Variants in PCDHGA5 observed in about 807,000 individuals in gnomAD.
PCDHGA5 encodes protocadherin gamma subfamily A, 5.
A neutral mutation model predicts 56.7 loss-of-function variants in PCDHGA5; 36 were observed. The ratio of observed to expected loss-of-function variants is 0.64; its 90% CI spans 0.49 to 0.84. The LOEUF is 0.84. Among genes scored for constraint, PCDHGA5 ranks in the 40% least tolerant of loss-of-function variants. The pLI is 0.00. For synonymous variants in PCDHGA5, 563 were observed against 520.2 expected (o/e 1.08, Z -1.12); for missense variants, 1,305 against 1,201.5 (o/e 1.09, Z -1.27).
chr5:141,427,991 C>T (rs748924488), intron 1 of PCDHGA5: 1 of 1,599,024 alleles, frequency 6.3e-7, no homozygotes, highest in Non-Finnish European at 8.6e-7. Context: ...GGCCCGATGG[C>T]TCCGCACTCT....
chr5:141,415,704 T>C (rs1262137262), intron 1 of PCDHGA5: 1 of 1,344,464 alleles, frequency 7.4e-7, no homozygotes, highest in South Asian at 1.3e-5. Context: ...GTGTAAATGC[T>C]AAAACACTGA....
Position 141,490,958 on chromosome 5 carries a change from A to T in PCDHGA5, c.2422-3849A>T, listed in dbSNP as rs771797392. 4.6e-5 allele frequency: 74 copies of T among 1,613,610 alleles called. No individual in the cohort carries two copies. The highest frequency in any genetic ancestry group is 1.6e-4 in the Middle Eastern group (1 of 6,084). ...CTGCACCCACGGCCAGACTGGGAAC[A>T]CTCAGCCCCCCAGCGTCTCCCTCGC... On this transcript the variant is annotated intron_variant, in intron 1 of 3. Coordinates refer to ENST00000518069, the MANE Select transcript of PCDHGA5 (RefSeq NM_018918.3). This position sits in a 1 kb window ranked among gnomAD's most constrained non-coding sequence, Gnocchi z 5.4.
intron 1 of PCDHGA5, chr5:141,384,456 C>A (rs145938509): frequency 6.2e-7 from 1 of 1,614,054 alleles, no homozygotes; most frequent in East Asian, 2.2e-5. Flanking sequence ...CGCTGCAATC[C>A]TTTGATTATG....
intron 1 of PCDHGA5, chr5:141,408,283 C>G (rs62378453): frequency 0.09 from 144,952 of 1,612,732 alleles, 7,152 homozygotes; most frequent in African/African-American, 0.18. Flanking sequence ...TGTTCTACCC[C>G]ACCCTGAGTG....
chr5:141,369,622 A>C (rs904281390), intron 1 of PCDHGA5, among the ~76,000 whole-genome samples: 3 of 152,224 alleles, frequency 2.0e-5, no homozygotes, highest in African/African-American at 7.2e-5. Flanking sequence ...TCATTTCCTC[A>C]TTACCTTTAA....
Position 141,489,268 on chromosome 5 carries a change from G to T in PCDHGA5, c.2422-5539G>T. On this transcript the variant is annotated intron_variant, in intron 1 of 3. Transcript: ENST00000518069. This position sits in a 1 kb window ranked among gnomAD's most constrained non-coding sequence, Gnocchi z 4.5. The stretch of plus-strand genomic sequence containing the variant: ...GGGGCCCAAGACACTCCCACAGCTC[G>T]CTGGGAAATGGCAAGTGCTGTGCAT... The T allele has an allele frequency of 3.9e-6, 6 of 1,553,284 alleles. No homozygotes were observed. The South Asian group carries it at 5.0e-5, about 13-fold the overall frequency.
chr5:141,408,287 C>G (rs2095075582), intron 1 of PCDHGA5: 1 of 1,613,354 alleles, frequency 6.2e-7, no homozygotes, highest in African/African-American at 1.3e-5. Flanking sequence ...CTACCCCACC[C>G]TGAGTGAGCC....
chr5:141,492,833 C>T (rs951935267), intron 1 of PCDHGA5, among the ~76,000 whole-genome samples: 2 of 152,222 alleles, frequency 1.3e-5, no homozygotes, highest in African/African-American at 4.8e-5. Flanking sequence ...CCCTTCCTCC[C>T]GCAGGAAGTG....
chr5:141,366,632 C>G lies in PCDHGA5; in HGVS notation c.2302C>G (p.Leu768Val), dbSNP rs1232919866. ...CACCGCGGACTCGAGGAAGAGTCAC[C>G]TGATCTTTCCCCAGCCCAACTACGC... is the stretch of plus-strand genomic sequence containing the variant. Reference protein sequence around the residue: ...SLTADSRKSHLIFPQPNYADT... With the variant: ...SLTADSRKSHVIFPQPNYADT... The change falls in exon 1 of 4, where the codon CTG becomes GTG. Residue 768 changes from leucine (L) to valine (V), a missense_variant. Coordinates refer to ENST00000518069, the MANE Select transcript of PCDHGA5 (RefSeq NM_018918.3). The G allele has an allele frequency of 6.2e-7, 1 of 1,614,252 alleles. No homozygotes were observed.
Position 141,485,331 on chromosome 5 carries a change from T to C in PCDHGA5, c.2422-9476T>C, listed in dbSNP as rs1203054851. On this transcript the variant is annotated intron_variant, in intron 1 of 3. Transcript: ENST00000518069. This position sits in a 1 kb window ranked among gnomAD's most constrained non-coding sequence, Gnocchi z 5.7. Reference sequence around the variant, plus strand: ...GTAGGGAATGTCGCTCAAGATTTCCTGCTGGATACGGACAGTCTGTCAGCT... The same window carrying C: ...GTAGGGAATGTCGCTCAAGATTTCCCGCTGGATACGGACAGTCTGTCAGCT... 6.2e-7 allele frequency: 1 copy of C among 1,614,048 alleles called. No individual in the cohort carries two copies. Among genetic ancestry groups the C allele is most frequent in the African/African-American group, 1.3e-5 (1 of 74,902 alleles).
rs1486545769 is a variant in PCDHGA5 at position 141,431,780 on chromosome 5, A to T, written c.2422-63027A>T. On this transcript the variant is annotated intron_variant, in intron 1 of 3. Coordinates refer to ENST00000518069, the MANE Select transcript of PCDHGA5 (RefSeq NM_018918.3). This position sits in a 1 kb window ranked among gnomAD's most constrained non-coding sequence, Gnocchi z 4.8. The stretch of plus-strand genomic sequence containing the variant: ...AGTCCTGATCACTGTTCTGGACGTG[A>T]ACGACAATGCCCCAGAAGTGGTCCT... 4 of 1,614,086 alleles carry T rather than the reference A, an allele frequency of 2.5e-6. No homozygotes were observed. The highest frequency in any genetic ancestry group is 3.4e-6 in the Non-Finnish European group (4 of 1,180,028).
rs547854431 is a variant in PCDHGA5, at chr5:141,476,383, C to A, written c.2422-18424C>A. 1.2e-6 allele frequency: 2 copies of A among 1,614,102 alleles called. No homozygotes were observed. Among genetic ancestry groups the A allele is most frequent in the African/African-American group, 1.3e-5 (1 of 75,014 alleles). On this transcript the variant is annotated intron_variant, in intron 1 of 3. Transcript: ENST00000518069. The surrounding 1 kb of genome is among the most constrained non-coding windows in gnomAD (Gnocchi z 7.6). ...GGGAGACCGGAGAGATGTTTGTGAA[C>A]GACCGTCTGGATCGAGAGGAGCTGT...
At chr5:141,407,963 G>T (rs2095010709) in intron 1 of PCDHGA5, 1 of 681,746 alleles carries the variant, frequency 1.5e-6, no homozygotes, top group Admixed American at 3.5e-5. Context: ...TGCAGAGCAA[G>T]CGCTGACGCC....
At chr5:141,430,379 T>C (rs1174248880) in intron 1 of PCDHGA5, among the ~76,000 whole-genome samples, 1 of 149,570 alleles carries the variant, frequency 6.7e-6, no homozygotes, top group Non-Finnish European at 1.5e-5. Flanking sequence ...AAAAAGCTCA[T>C]TGGGAAAAAA....
chr5:141,491,567 C>T lies in PCDHGA5; in HGVS notation c.2422-3240C>T, dbSNP rs2099721325. On this transcript the variant is annotated intron_variant, in intron 1 of 3. Transcript: ENST00000518069. The surrounding 1 kb of genome is among the most constrained non-coding windows in gnomAD (Gnocchi z 6.9). ...GACTCGCAGAGCCACTGCTACAGGACGTGCTTTTCACCGGCCTCGGACGGC... is the reference window on the plus strand; with the variant it reads ...GACTCGCAGAGCCACTGCTACAGGATGTGCTTTTCACCGGCCTCGGACGGC... 1.9e-6 allele frequency: 3 copies of T among 1,614,004 alleles called. No individual in the cohort carries two copies. The highest frequency in any genetic ancestry group is 2.5e-6 in the Non-Finnish European group (3 of 1,180,034).
intron 1 of PCDHGA5, chr5:141,394,748 C>A: frequency 6.2e-7 from 1 of 1,613,414 alleles, no homozygotes. Flanking sequence ...TCGTGGTGGC[C>A]GTCCAGGACC....
In PCDHGA5 at chr5:141,420,606, G is replaced by A. The variant is rs141099124; in HGVS notation, c.2421+53855G>A. On this transcript the variant is annotated intron_variant, in intron 1 of 3. Coordinates refer to ENST00000518069, the MANE Select transcript of PCDHGA5 (RefSeq NM_018918.3). Reference sequence around the variant, plus strand: ...CCTGATGCTACTCAATTTTTCTCAAGTATTTCATCTTCATTTACTCAATAA... The same window carrying A: ...CCTGATGCTACTCAATTTTTCTCAAATATTTCATCTTCATTTACTCAATAA... Among the ~76,000 whole-genome samples the A allele has an allele frequency of 2.7e-3, 411 of 152,256 alleles. 1 individual carries two copies. Among genetic ancestry groups the A allele is most frequent in the African/African-American group, 9.4e-3 (392 of 41,546 alleles).
At chr5:141,375,331 C>A (rs755265511) in intron 1 of PCDHGA5, 1 of 1,613,806 alleles carries the variant, frequency 6.2e-7, no homozygotes, top group East Asian at 2.2e-5. Flanking sequence ...AAGAGGTATT[C>A]TTGTACAACA....
chr5:141,410,653 A>G (rs1272999564), intron 1 of PCDHGA5: 9 of 1,589,886 alleles, frequency 5.7e-6, no homozygotes, highest in Non-Finnish European at 7.7e-6. Context: ...TGATTTATCT[A>G]ATAGTCTACT....
Sources: gnomAD v4.1 joint callset for allele counts (sites outside exome capture counted in the v4.1 genomes callset) on GRCh38, gnomAD v4.1.1 for gene constraint, Gnocchi (gnomAD v3.1) non-coding constraint, MANE v1.5 for transcripts, NCBI Gene and HGNC (gene_info 2026-07-23, HGNC 2026-07-21) for gene names.